The following SPAG16 variants were observed in gnomAD, a reference collection of about 807,000 sequenced individuals.
SPAG16 encodes the protein sperm associated antigen 16.
SPAG16 carries 86 observed loss-of-function variants against 80.4 expected under a neutral mutation model. The ratio of observed to expected loss-of-function variants is 1.07; its 90% CI spans 0.90 to 1.28. The LOEUF (loss-of-function observed/expected upper bound fraction) is 1.28, where lower values mean the gene tolerates loss of function less well. Ranked by LOEUF, SPAG16 falls within the 50% of genes most tolerant of loss-of-function variation. The pLI, the probability that SPAG16 is intolerant of heterozygous loss-of-function variation, is 0.00. For missense variants in SPAG16, 870 were observed against 765.3 expected, an observed-to-expected ratio of 1.14 and a Z score of -1.61; for synonymous variants, 294 against 265.9, an observed-to-expected ratio of 1.11 and a Z score of -1.03.
intron 15 of SPAG16, among the ~76,000 whole-genome samples, chr2:214,312,705 G>C (rs760855796): frequency 5.9e-5 from 9 of 152,052 alleles, no homozygotes; most frequent in Non-Finnish European, 1.3e-4. Flanking sequence ...AAGGCATTGG[G>C]TTATTTTTTT....
At chr2:214,042,047 G>T (rs1045881757) in intron 13 of SPAG16, among the ~76,000 whole-genome samples, 6 of 142,636 alleles carry the variant, frequency 4.2e-5, no homozygotes, top group Non-Finnish European at 7.6e-5. Context: ...TGTAATAAGT[G>T]TACCAAAACC....
intron 13 of SPAG16, among the ~76,000 whole-genome samples, chr2:214,021,712 T>G (rs938975611): frequency 6.6e-6 from 1 of 152,098 alleles, no homozygotes; most frequent in Non-Finnish European, 1.5e-5. Flanking sequence ...AAAATAAACC[T>G]CACTGCATTG....
At chr2:214,014,179 G>T in intron 13 of SPAG16, 102 bp downstream of exon 13, 14 of 1,399,046 alleles carry the variant, frequency 1.0e-5, no homozygotes, top group Non-Finnish European at 1.3e-5. Flanking sequence ...TTGTGCAAGG[G>T]CATTCAGGGC....
intron 10 of SPAG16, among the ~76,000 whole-genome samples, chr2:213,560,876 G>A (rs536364384): frequency 6.6e-6 from 1 of 152,072 alleles, no homozygotes; most frequent in South Asian, 2.1e-4. Context: ...AACTTTTTTT[G>A]TGGGGGAGAT....
intron 8 of SPAG16, among the ~76,000 whole-genome samples, chr2:213,365,618 T>C (rs1286860704): frequency 6.7e-6 from 1 of 149,810 alleles, no homozygotes; most frequent in Non-Finnish European, 1.5e-5. Context: ...CCACCATGAC[T>C]GGCTAATTTT....
chr2:213,928,904 T>TAC (rs71063798), intron 11 of SPAG16, among the ~76,000 whole-genome samples: 2,877 of 143,016 alleles, frequency 0.02, 99 homozygotes, highest in African/African-American at 0.071. Context: ...CAGCTGATGT[T>TAC]ACACACACAC....
chr2:213,986,901 A>C (rs1010653181), intron 12 of SPAG16, among the ~76,000 whole-genome samples: 7 of 143,236 alleles, frequency 4.9e-5, no homozygotes, highest in African/African-American at 1.5e-4. Flanking sequence ...CAAAAAAAAA[A>C]AAAAAAAAAA....
rs535588558 is a variant in SPAG16, at chr2:213,968,544, G to T, written c.1400+38399G>T. Among the ~76,000 whole-genome samples, 3 of 152,280 alleles carry T rather than the reference G, an allele frequency of 2.0e-5. No individual in the cohort carries two copies. The South Asian group carries it at 6.2e-4, about 32-fold the overall frequency. On this transcript the variant is annotated intron_variant, in intron 12 of 15. Transcript: ENST00000331683. ...ATCAGGCTTCTGCTGATGGAATGAA[G>T]AATTCATTGGGCTTAGATTCAGGAG... is the stretch of plus-strand genomic sequence containing the variant.
At chr2:214,322,316 C>G (rs1349747851) in intron 15 of SPAG16, among the ~76,000 whole-genome samples, 1 of 152,120 alleles carries the variant, frequency 6.6e-6, no homozygotes, top group Admixed American at 6.5e-5. Context: ...AAAACCACCC[C>G]AGGTGTTCTT....
chr2:213,635,708 T>C (rs1574584863), intron 10 of SPAG16, among the ~76,000 whole-genome samples: 1 of 152,216 alleles, frequency 6.6e-6, no homozygotes, highest in East Asian at 1.9e-4. Flanking sequence ...TGAAAAAAAT[T>C]AGTGACTGAA....
intron 10 of SPAG16, among the ~76,000 whole-genome samples, chr2:213,823,031 A>C (rs1467114831): frequency 1.3e-5 from 2 of 152,210 alleles, no homozygotes; most frequent in Non-Finnish European, 2.9e-5. Context: ...TGCTGCAATA[A>C]ACGTAAGTGT....
chr2:213,809,596 C>T (rs2071996431), intron 10 of SPAG16, among the ~76,000 whole-genome samples: 1 of 151,946 alleles, frequency 6.6e-6, no homozygotes, highest in Non-Finnish European at 1.5e-5. Flanking sequence ...TCAATTTTCC[C>T]AATGAAAACA....
At chr2:214,256,531 A>G (rs544731529) in intron 15 of SPAG16, among the ~76,000 whole-genome samples, 6 of 151,784 alleles carry the variant, frequency 4.0e-5, no homozygotes, top group African/African-American at 1.2e-4. Context: ...ATATTGATCT[A>G]TGATCCATCT....
In SPAG16 at chr2:214,346,460, C is replaced by G. The variant is rs148206664; in HGVS notation, c.1721-63680C>G. 1.8e-3 allele frequency among the ~76,000 whole-genome samples: 269 copies of G among 152,212 alleles called. 2 individuals are homozygous for G. The highest frequency in any genetic ancestry group is 6.3e-3 in the African/African-American group (261 of 41,546). On this transcript the variant is annotated intron_variant, in intron 15 of 15. Coordinates refer to ENST00000331683, the MANE Select transcript of SPAG16 (RefSeq NM_024532.5). ...TGGTTCTATATCTTGGTGACAAGTT[C>G]TTTGGCACTTCTATTGAAAGATGGG... is the stretch of plus-strand genomic sequence containing the variant.
At chr2:213,399,335 AT>A (rs1322403918) in intron 9 of SPAG16, among the ~76,000 whole-genome samples, 3 of 151,942 alleles carry the variant, frequency 2.0e-5, no homozygotes, top group Non-Finnish European at 4.4e-5. Flanking sequence ...GAGTATATTA[AT>A]TTTTTTGACC....
rs754199698 is a variant in SPAG16 at position 213,490,045 on chromosome 2, A to G, written c.1025A>G (p.Tyr342Cys). 6 of 1,610,190 alleles carry G rather than the reference A, an allele frequency of 3.7e-6. No individual in the cohort carries two copies. The Admixed American group carries it at 6.7e-5, about 18-fold the overall frequency. Residue 342 changes from tyrosine (Y) to cysteine (C), a missense_variant, in exon 10 of 16, where the codon TAC becomes TGC. Coordinates refer to ENST00000331683, the MANE Select transcript of SPAG16 (RefSeq NM_024532.5). ...AGTCTTTCTCCAGCAAAATTTGACT[A>G]CAAGCTGAAAAACATTTTTAGACTC... is the stretch of plus-strand genomic sequence containing the variant. ...KESLSPAKFD[Y>C]KLKNIFRLHE...
At chr2:214,196,540 T>G (rs1485238985) in intron 15 of SPAG16, among the ~76,000 whole-genome samples, 4 of 152,068 alleles carry the variant, frequency 2.6e-5, no homozygotes, top group Non-Finnish European at 5.9e-5. Context: ...TCCCAGAATA[T>G]TCTCCTAATT....
At chr2:213,301,944 T>A (rs2062756657) in intron 3 of SPAG16, among the ~76,000 whole-genome samples, 1 of 152,172 alleles carries the variant, frequency 6.6e-6, no homozygotes, top group Non-Finnish European at 1.5e-5. Flanking sequence ...AACCTAATAG[T>A]CTCCTTAACA....
At chr2:214,216,941 T>C (rs1652201489) in intron 15 of SPAG16, among the ~76,000 whole-genome samples, 1 of 152,216 alleles carries the variant, frequency 6.6e-6, no homozygotes, top group South Asian at 2.1e-4. Context: ...GATATTAATA[T>C]ATAAAACTAT....
Sources: gnomAD v4.1 joint callset for allele counts (sites outside exome capture counted in the v4.1 genomes callset) on GRCh38, gnomAD v4.1.1 for gene constraint, MANE v1.5 for transcripts, NCBI Gene and HGNC (gene_info 2026-07-23, HGNC 2026-07-21) for gene names.